ATL1: variants seen among roughly 807,000 people sequenced by gnomAD.
ATL1 encodes the protein atlastin GTPase 1, also known as atlastin-1.
ATL1 carries 31 observed loss-of-function variants against 75.5 expected under a neutral mutation model. The ratio of observed to expected loss-of-function variants is 0.41; its 90% confidence interval spans 0.31 to 0.55. The LOEUF (loss-of-function observed/expected upper bound fraction) is 0.55, where lower values mean the gene tolerates loss of function less well. ATL1 is among the 20% of genes least tolerant of loss of function. The pLI is 0.27. For synonymous variants in ATL1, 226 were observed against 233.3 expected, an observed-to-expected ratio of 0.97 and a Z score of 0.28; for missense variants, 405 against 662.6, an observed-to-expected ratio of 0.61 and a Z score of 4.27.
At chr14:50,578,946 T>C (rs1296234783) in intron 1 of ATL1, among the ~76,000 whole-genome samples, 3 of 152,224 alleles carry the variant, frequency 2.0e-5, no homozygotes, top group African/African-American at 7.2e-5. Flanking sequence ...CAAGTTTACA[T>C]CTGAACTAAT....
At chr14:50,603,760 T>G (rs1182862587) in intron 6 of ATL1, among the ~76,000 whole-genome samples, 2 of 152,180 alleles carry the variant, frequency 1.3e-5, no homozygotes, top group African/African-American at 4.8e-5. Context: ...ATGACCTCAC[T>G]GAGAAAATGA....
chr14:50,608,984 A>C (rs2039338923), intron 6 of ATL1, among the ~76,000 whole-genome samples: 1 of 152,016 alleles, frequency 6.6e-6, no homozygotes, highest in Non-Finnish European at 1.5e-5. Flanking sequence ...TCTACAAAAC[A>C]AAATAAGAGG....
At chr14:50,577,303 C>T (rs992728374) in intron 1 of ATL1, among the ~76,000 whole-genome samples, 2 of 151,990 alleles carry the variant, frequency 1.3e-5, no homozygotes, top group Admixed American at 1.3e-4. Flanking sequence ...ACTTCGTGAT[C>T]TGCCCCGCCT....
At chr14:50,616,455 GTTATTTAT>G (rs200056004) in intron 8 of ATL1, among the ~76,000 whole-genome samples, 56,134 of 140,864 alleles carry the variant, frequency 0.4, 12,081 homozygotes, top group East Asian at 0.62. Context: ...ACCATGCCCG[GTTATTTAT>G]TTATTTATTT....
chr14:50,585,877 T>C (rs1235869521), intron 1 of ATL1, among the ~76,000 whole-genome samples: 1 of 152,234 alleles, frequency 6.6e-6, no homozygotes, highest in Non-Finnish European at 1.5e-5. Context: ...AGAACAACTC[T>C]GATTCGTGGC....
intron 11 of ATL1, 65 bp from the exon 12 acceptor site, chr14:50,627,966 A>T (rs1314710178): frequency 6.5e-7 from 1 of 1,544,910 alleles, no homozygotes; most frequent in Non-Finnish European, 8.9e-7. Flanking sequence ...CTAAGTGAAA[A>T]ATTTTGATAC....
chr14:50,569,531 A>G (rs975262281), intron 1 of ATL1, among the ~76,000 whole-genome samples: 10 of 152,126 alleles, frequency 6.6e-5, no homozygotes, highest in African/African-American at 2.4e-4. Flanking sequence ...AGTTTTTTTT[A>G]AAAGTATTAG....
chr14:50,626,314 A>T (rs745946697), intron 11 of ATL1, among the ~76,000 whole-genome samples: 19 of 152,254 alleles, frequency 1.2e-4, no homozygotes, highest in Non-Finnish European at 2.1e-4. Flanking sequence ...TCTGGATGCC[A>T]TGAAGAGAAT....
At chr14:50,566,546 CTCATTGTAGTT>C (rs1454135419) in intron 1 of ATL1, among the ~76,000 whole-genome samples, 1 of 152,132 alleles carries the variant, frequency 6.6e-6, no homozygotes, top group Non-Finnish European at 1.5e-5. Context: ...GAAATGGTAT[CTCATTGTAGTT>C]TCAATCTGCA....
At chr14:50,584,512 G>A (rs1251020921) in intron 1 of ATL1, among the ~76,000 whole-genome samples, 1 of 152,084 alleles carries the variant, frequency 6.6e-6, no homozygotes, top group Admixed American at 6.6e-5. Flanking sequence ...GACCATCCTG[G>A]CTAACATGGT....
At chr14:50,601,947 C>T (rs553440175) in intron 6 of ATL1, among the ~76,000 whole-genome samples, 4 of 152,178 alleles carry the variant, frequency 2.6e-5, no homozygotes, top group African/African-American at 7.2e-5. Flanking sequence ...TTGTCACGTG[C>T]GATAGATTTG....
chr14:50,546,135 GA>G (rs139159455), intron 1 of ATL1, among the ~76,000 whole-genome samples: 1 of 151,446 alleles, frequency 6.6e-6, no homozygotes, highest in South Asian at 2.1e-4. Flanking sequence ...TGAAACTGAA[GA>G]AAAAAAAGAG....
intron 6 of ATL1, among the ~76,000 whole-genome samples, chr14:50,608,345 C>T (rs2039333775): frequency 6.6e-6 from 1 of 151,886 alleles, no homozygotes; most frequent in Admixed American, 6.6e-5. Flanking sequence ...TTGCTCATCC[C>T]CATTCATGAG....
chr14:50,561,924 A>G (rs898412508), intron 1 of ATL1, among the ~76,000 whole-genome samples: 9 of 152,192 alleles, frequency 5.9e-5, no homozygotes, highest in Admixed American at 3.9e-4. Flanking sequence ...TTTTGGTCTC[A>G]GTCTCCATGA....
At chr14:50,578,211 A>G (rs996612959) in intron 1 of ATL1, among the ~76,000 whole-genome samples, 1 of 152,204 alleles carries the variant, frequency 6.6e-6, no homozygotes. Flanking sequence ...AGTATTTGAT[A>G]CTGAGTGATA....
intron 1 of ATL1, among the ~76,000 whole-genome samples, chr14:50,540,445 T>C (rs2038546962): frequency 6.6e-6 from 1 of 152,154 alleles, no homozygotes; most frequent in East Asian, 1.9e-4. Flanking sequence ...TGAGGGCGGA[T>C]GTCTTTGAGG....
intron 6 of ATL1, among the ~76,000 whole-genome samples, chr14:50,604,545 T>C (rs1158536970): frequency 2.0e-5 from 3 of 152,256 alleles, no homozygotes; most frequent in East Asian, 3.9e-4. Context: ...GGATTCAAGA[T>C]CTGGAGCAAG....
At chr14:50,611,862 AACC>A (rs1318958422) in intron 6 of ATL1, among the ~76,000 whole-genome samples, 2 of 152,144 alleles carry the variant, frequency 1.3e-5, no homozygotes, top group Non-Finnish European at 2.9e-5. Flanking sequence ...GGACAATATC[AACC>A]AGTCCTGAAC....
chr14:50,628,867 C>T (rs1462606354), intron 12 of ATL1, among the ~76,000 whole-genome samples: 1 of 152,048 alleles, frequency 6.6e-6, no homozygotes, highest in Non-Finnish European at 1.5e-5. Context: ...CAGGTGCATA[C>T]CACCATCCCC....
Sources: allele counts gnomAD v4.1 joint callset (sites outside exome capture counted in the v4.1 genomes callset), GRCh38; gene constraint gnomAD v4.1.1; transcripts MANE v1.5; gene names NCBI Gene and HGNC (gene_info 2026-07-23, HGNC 2026-07-21).